The following ZNF521 variants were observed in gnomAD, a reference collection of about 807,000 sequenced individuals.
ZNF521 encodes the protein zinc finger protein 521.
ZNF521 carries 14 observed loss-of-function variants against 105.5 expected under a neutral mutation model. The ratio of observed to expected loss-of-function variants is 0.13; its 90% CI spans 0.09 to 0.21. The LOEUF is 0.21. Ranked by LOEUF, ZNF521 falls within the 10% of genes least tolerant of loss-of-function variation. The probability of loss-of-function intolerance (pLI) is 1.00; values close to 1 mark genes in which losing one functional copy is unlikely to be tolerated. For missense variants in ZNF521, 1,233 were observed against 1,629.7 expected (o/e 0.76, Z 4.19); for synonymous variants, 635 against 606.0 (o/e 1.05, Z -0.70).
At chr18:25,073,570 G>T (rs143718064) in intron 7 of ZNF521, among the ~76,000 whole-genome samples, 4 of 152,272 alleles carry the variant, frequency 2.6e-5, no homozygotes, top group African/African-American at 9.6e-5. Context: ...AGATTCAAAA[G>T]GTCATCTGAT....
At chr18:25,211,032 A>G (rs546653254) in intron 4 of ZNF521, among the ~76,000 whole-genome samples, 7 of 152,362 alleles carry the variant, frequency 4.6e-5, no homozygotes, top group African/African-American at 1.7e-4. Flanking sequence ...GTTCATGCTA[A>G]ATGCTAATAT....
chr18:25,334,786 A>T (rs1003155172), intron 2 of ZNF521, among the ~76,000 whole-genome samples: 1 of 152,184 alleles, frequency 6.6e-6, no homozygotes, highest in African/African-American at 2.4e-5. Context: ...AGGTAAACAT[A>T]AAGAGGATAA....
chr18:25,068,740 G>A (rs2033139092), intron 7 of ZNF521, among the ~76,000 whole-genome samples: 1 of 152,166 alleles, frequency 6.6e-6, no homozygotes, highest in African/African-American at 2.4e-5. Flanking sequence ...GTGGGCAATG[G>A]AGGGACAGAA....
intron 5 of ZNF521, among the ~76,000 whole-genome samples, chr18:25,170,419 CTT>C (rs2035427170): frequency 1.3e-5 from 2 of 152,086 alleles, no homozygotes. Context: ...AATACAACAT[CTT>C]TGTCCTTCCG....
At chr18:25,119,397 C>G (rs75889995) in intron 5 of ZNF521, among the ~76,000 whole-genome samples, 2,425 of 152,158 alleles carry the variant, frequency 0.016, 60 homozygotes, top group African/African-American at 0.054. Flanking sequence ...ATACATTCAT[C>G]AAGATTGACC....
chr18:25,333,676 G>A (rs919424412), intron 2 of ZNF521, among the ~76,000 whole-genome samples: 3 of 152,106 alleles, frequency 2.0e-5, no homozygotes, highest in Non-Finnish European at 2.9e-5. Context: ...CCTGCAATGG[G>A]TATGTCCATC....
intron 5 of ZNF521, among the ~76,000 whole-genome samples, chr18:25,171,666 C>A (rs2035451370): frequency 2.0e-5 from 3 of 152,088 alleles, no homozygotes; most frequent in Admixed American, 2.0e-4. Flanking sequence ...ACAATATAAT[C>A]TTAACAGATG....
rs901993127 is a variant in ZNF521, at chr18:25,062,227, G to A, written c.*485C>T. ...ATCCAGCTGTGGGGTTCTGTTCTGTGAGAACATCTCTTCATGGTTTGCAAG... is the reference window on the plus strand; with the variant it reads ...ATCCAGCTGTGGGGTTCTGTTCTGTAAGAACATCTCTTCATGGTTTGCAAG... On this transcript the variant is annotated 3_prime_UTR_variant, in exon 8 of 8. Coordinates refer to ENST00000361524, the MANE Select transcript of ZNF521 (RefSeq NM_015461.3). The A allele has an allele frequency of 9.2e-6, 2 of 216,550 alleles. No individual in the cohort carries two copies. The highest frequency in any genetic ancestry group is 4.5e-5 in the African/African-American group (2 of 43,988). 13.4% of individuals were successfully genotyped at this position (216,550 alleles called of 1,614,324 possible). A position where few individuals can be genotyped will look rare whatever the true frequency, so the allele number is the denominator to read the frequency against.
At chr18:25,272,161 A>G (rs996073594) in intron 3 of ZNF521, among the ~76,000 whole-genome samples, 1 of 152,208 alleles carries the variant, frequency 6.6e-6, no homozygotes, top group Non-Finnish European at 1.5e-5. Context: ...ATGAAAAAAA[A>G]GTTCATCATC....
chr18:25,335,009 G>C (rs1913789456), intron 2 of ZNF521, among the ~76,000 whole-genome samples: 1 of 152,136 alleles, frequency 6.6e-6, no homozygotes, highest in Admixed American at 6.5e-5. Flanking sequence ...TAGTGTGCAG[G>C]ATTCAAACAC....
At chr18:25,152,066 C>T (rs978223038) in intron 5 of ZNF521, among the ~76,000 whole-genome samples, 6 of 152,276 alleles carry the variant, frequency 3.9e-5, no homozygotes, top group East Asian at 1.9e-4. Context: ...CCCAAAAGAC[C>T]GTTTTTATGA....
At chr18:25,185,973 A>G in intron 5 of ZNF521, among the ~76,000 whole-genome samples, 1 of 152,282 alleles carries the variant, frequency 6.6e-6, no homozygotes, top group Non-Finnish European at 1.5e-5. Context: ...TCCGTTTTCT[A>G]TTTTTATCCC....
intron 5 of ZNF521, among the ~76,000 whole-genome samples, chr18:25,158,343 A>C (rs1311563543): frequency 6.6e-6 from 1 of 152,078 alleles, no homozygotes; most frequent in Non-Finnish European, 1.5e-5. Context: ...TGAAGAAAAC[A>C]TTCCAAAATG....
At chr18:25,221,617 A>G (rs193252048) in intron 4 of ZNF521, among the ~76,000 whole-genome samples, 3 of 152,190 alleles carry the variant, frequency 2.0e-5, no homozygotes, top group East Asian at 1.9e-4. Context: ...AAGTCCTTCA[A>G]TTGCTACCTA....
chr18:25,206,228 G>A (rs1302914939), intron 4 of ZNF521, among the ~76,000 whole-genome samples: 3 of 151,976 alleles, frequency 2.0e-5, no homozygotes, highest in Non-Finnish European at 2.9e-5. Flanking sequence ...GGCTGGTCTC[G>A]AACTCCTGGC....
intron 3 of ZNF521, among the ~76,000 whole-genome samples, chr18:25,232,909 T>C (rs1324800071): frequency 1.3e-5 from 2 of 152,230 alleles, no homozygotes; most frequent in Non-Finnish European, 2.9e-5. Context: ...CAGCAGGCTA[T>C]AGGAGCAGTT....
At chr18:25,098,311 C>A (rs1458523229) in intron 5 of ZNF521, among the ~76,000 whole-genome samples, 1 of 152,100 alleles carries the variant, frequency 6.6e-6, no homozygotes, top group Non-Finnish European at 1.5e-5. Flanking sequence ...TCAAACCTGG[C>A]CAGTACATTA....
rs1247550917 is a variant in ZNF521, at chr18:25,349,720, G to A, written c.40+1187C>T. Among the ~76,000 whole-genome samples the A allele has an allele frequency of 7.3e-5, 11 of 151,586 alleles. No homozygotes were observed. In the South Asian group the frequency reaches 1.4e-3, roughly 20 times the overall value. ...GCCGCGGCCCGGCAGCCAGGAGGAAGAGGATGCTGCGCCGCCGGGGACCAG... is the reference window on the plus strand; with the variant it reads ...GCCGCGGCCCGGCAGCCAGGAGGAAAAGGATGCTGCGCCGCCGGGGACCAG... On this transcript the variant is annotated intron_variant, in intron 2 of 7. Transcript: ENST00000361524.
chr18:25,285,379 T>C (rs1049346673), intron 3 of ZNF521, among the ~76,000 whole-genome samples: 1 of 152,220 alleles, frequency 6.6e-6, no homozygotes, highest in Non-Finnish European at 1.5e-5. Flanking sequence ...ATTCAAAGCA[T>C]TTCCTAAGCC....
Sources: gnomAD v4.1 joint callset for allele counts (sites outside exome capture counted in the v4.1 genomes callset) on GRCh38, gnomAD v4.1.1 for gene constraint, MANE v1.5 for transcripts, NCBI Gene and HGNC (gene_info 2026-07-23, HGNC 2026-07-21) for gene names.